The following TAOK1 variants were observed in gnomAD, a reference collection of about 807,000 sequenced individuals.
TAOK1 encodes TAO kinase 1.
A neutral mutation model predicts 138.3 loss-of-function variants in TAOK1; 21 were observed. That is an observed-to-expected ratio of 0.15 (90% CI 0.11 to 0.22). TAOK1 has a LOEUF of 0.22. Ranked by LOEUF, TAOK1 falls within the 10% of genes least tolerant of loss-of-function variation. The pLI is 1.00. For synonymous variants in TAOK1, 361 were observed against 398.4 expected, an observed-to-expected ratio of 0.91 and a Z score of 1.12; for missense variants, 651 against 1,227.7, an observed-to-expected ratio of 0.53 and a Z score of 7.02.
At chr17:29,533,712 G>A (rs1046629257) in intron 18 of TAOK1, among the ~76,000 whole-genome samples, 9 of 151,302 alleles carry the variant, frequency 5.9e-5, no homozygotes, top group African/African-American at 9.7e-5. Flanking sequence ...GTGGCGGCGC[G>A]CGCCTGCAAT....
intron 17 of TAOK1, among the ~76,000 whole-genome samples, chr17:29,523,087 A>G (rs1021214182): frequency 6.6e-6 from 1 of 152,094 alleles, no homozygotes; most frequent in East Asian, 1.9e-4. Flanking sequence ...AAAAAAAAAA[A>G]AAAAAAATGT....
chr17:29,469,932 G>A (rs992765443), intron 3 of TAOK1, among the ~76,000 whole-genome samples: 13 of 151,936 alleles, frequency 8.6e-5, no homozygotes, highest in Non-Finnish European at 7.4e-5. Context: ...ACAAAACACC[G>A]GAACATATTT....
At chr17:29,497,703 C>A (rs2031439779) in intron 11 of TAOK1, among the ~76,000 whole-genome samples, 1 of 131,968 alleles carries the variant, frequency 7.6e-6, no homozygotes. Context: ...CCCCAAAAAC[C>A]TATTGAAATA....
intron 2 of TAOK1, among the ~76,000 whole-genome samples, chr17:29,452,555 C>T (rs2153024337): frequency 6.6e-6 from 1 of 152,252 alleles, no homozygotes; most frequent in South Asian, 2.1e-4. Context: ...TTAACATTTG[C>T]ACAAACATTA....
intron 1 of TAOK1, among the ~76,000 whole-genome samples, chr17:29,440,415 A>G (rs1160014454): frequency 2.0e-5 from 3 of 152,140 alleles, no homozygotes; most frequent in Non-Finnish European, 2.9e-5. Context: ...CAACCCCCCA[A>G]AAGTGGCTAC....
intron 1 of TAOK1, among the ~76,000 whole-genome samples, chr17:29,422,701 CTT>C (rs771233308): frequency 2.8e-4 from 42 of 152,286 alleles, no homozygotes; most frequent in Non-Finnish European, 5.0e-4. Flanking sequence ...TCTTCTTTCT[CTT>C]TGGCATTAGT....
At chr17:29,497,220 A>C (rs947637773) in intron 11 of TAOK1, among the ~76,000 whole-genome samples, 1 of 151,872 alleles carries the variant, frequency 6.6e-6, no homozygotes, top group East Asian at 1.9e-4. Context: ...TGTATTCTGA[A>C]ACCGTGCTCA....
At chr17:29,498,276 T>A in intron 11 of TAOK1, 42 bp from the exon 12 acceptor site, 1 of 1,597,856 alleles carries the variant, frequency 6.3e-7, no homozygotes, top group South Asian at 1.1e-5. Context: ...GAGAGAGATA[T>A]ATATTAATAT....
At chr17:29,501,462 G>GT (rs1349172059) in intron 12 of TAOK1, among the ~76,000 whole-genome samples, 1 of 151,068 alleles carries the variant, frequency 6.6e-6, no homozygotes, top group Non-Finnish European at 1.5e-5. Context: ...CAATTAATTG[G>GT]TTGCTACTTA....
intron 1 of TAOK1, among the ~76,000 whole-genome samples, chr17:29,409,333 A>ATAT (rs1348702470): frequency 0.023 from 1,384 of 59,032 alleles, 31 homozygotes; most frequent in African/African-American, 0.032. Flanking sequence ...ATATATATAT[A>ATAT]TTTTTTTTTT....
intron 2 of TAOK1, among the ~76,000 whole-genome samples, chr17:29,452,912 T>G (rs2030274234): frequency 6.6e-6 from 1 of 152,196 alleles, no homozygotes; most frequent in African/African-American, 2.4e-5. Context: ...GTTTCCACTT[T>G]TGACTATTGT....
At chr17:29,402,808 G>C (rs1002969216) in intron 1 of TAOK1, among the ~76,000 whole-genome samples, 1 of 151,820 alleles carries the variant, frequency 6.6e-6, no homozygotes, top group Non-Finnish European at 1.5e-5. Context: ...AGGCCGAGGT[G>C]GGTGGATCAC....
At chr17:29,536,030 C>T (rs1413769512) in intron 19 of TAOK1, among the ~76,000 whole-genome samples, 2 of 151,670 alleles carry the variant, frequency 1.3e-5, no homozygotes, top group African/African-American at 4.8e-5. Context: ...CAGTGGCTCA[C>T]GCCTGTAATC....
intron 1 of TAOK1, among the ~76,000 whole-genome samples, chr17:29,394,150 G>GGTTTTTTTTTTT (rs1904513941): frequency 2.1e-5 from 1 of 48,246 alleles, no homozygotes; most frequent in Non-Finnish European, 3.6e-5. Context: ...TAATTTGCCA[G>GGTTTTTTTTTTT]TTTTTTTTTT....
intron 1 of TAOK1, among the ~76,000 whole-genome samples, chr17:29,419,039 A>G (rs752692280): frequency 5.3e-5 from 8 of 151,308 alleles, no homozygotes; most frequent in Non-Finnish European, 1.2e-4. Flanking sequence ...TAGTGGGACC[A>G]TTGATATCCT....
intron 2 of TAOK1, among the ~76,000 whole-genome samples, chr17:29,454,175 CTGT>C (rs2030316705): frequency 6.6e-6 from 1 of 152,022 alleles, no homozygotes; most frequent in Admixed American, 6.6e-5. Context: ...GTTAAAGAGA[CTGT>C]TATTTCCCCC....
chr17:29,504,034 C>T (rs1444246768), intron 13 of TAOK1, among the ~76,000 whole-genome samples: 3 of 151,648 alleles, frequency 2.0e-5, no homozygotes, highest in African/African-American at 7.3e-5. Context: ...TCGCTTGAAC[C>T]CGGGAGGCGG....
intron 8 of TAOK1, among the ~76,000 whole-genome samples, chr17:29,483,090 AT>A (rs2031097175): frequency 6.6e-6 from 1 of 151,936 alleles, no homozygotes; most frequent in African/African-American, 2.4e-5. Flanking sequence ...TTATTTATTT[AT>A]TTTTGAGACA....
intron 1 of TAOK1, among the ~76,000 whole-genome samples, chr17:29,412,906 G>C (rs1374152025): frequency 6.6e-6 from 1 of 152,166 alleles, no homozygotes; most frequent in Non-Finnish European, 1.5e-5. Context: ...CACGGGAATT[G>C]CACAGTAGGT....
Sources: gnomAD v4.1 joint callset for allele counts (sites outside exome capture counted in the v4.1 genomes callset) on GRCh38, gnomAD v4.1.1 for gene constraint, MANE v1.5 for transcripts, NCBI Gene and HGNC (gene_info 2026-07-23, HGNC 2026-07-21) for gene names.